Variants in CCDC148 observed in about 807,000 individuals in gnomAD.
CCDC148 encodes coiled-coil domain-containing protein 148.
Under a neutral mutation model 85.7 loss-of-function variants are expected in CCDC148, and 89 were observed. The ratio of observed to expected loss-of-function variants is 1.04; its 90% CI spans 0.87 to 1.24. The LOEUF (loss-of-function observed/expected upper bound fraction) is 1.24. CCDC148 is among the 50% of genes most tolerant of loss of function. CCDC148 has a pLI of 0.00. For synonymous variants in CCDC148, 230 were observed against 213.9 expected (o/e 1.08, Z -0.66); for missense variants, 692 against 671.7 (o/e 1.03, Z -0.33).
At chr2:158,182,262 G>C (rs1230052534) in intron 11 of CCDC148, among the ~76,000 whole-genome samples, 3 of 151,974 alleles carry the variant, frequency 2.0e-5, no homozygotes, top group Non-Finnish European at 2.9e-5. Flanking sequence ...AGAGTGTAGA[G>C]TAAGAAGAGA....
chr2:158,425,112 G>A (rs1000585753), intron 1 of CCDC148: 53 of 483,306 alleles, frequency 1.1e-4, no homozygotes, highest in East Asian at 2.4e-4. Context: ...CTATGATCGC[G>A]GATATGGGAA....
At chr2:158,286,649 T>C (rs1283269319) in intron 9 of CCDC148, among the ~76,000 whole-genome samples, 1 of 152,114 alleles carries the variant, frequency 6.6e-6, no homozygotes, top group African/African-American at 2.4e-5. Context: ...CCCATGGACA[T>C]AGACAAATAA....
At chr2:158,256,935 G>A (rs1689036813) in intron 9 of CCDC148, among the ~76,000 whole-genome samples, 1 of 151,778 alleles carries the variant, frequency 6.6e-6, no homozygotes, top group Admixed American at 6.6e-5. Flanking sequence ...GACCAGATCT[G>A]TCTTATTCAT....
chr2:158,174,326 G>A (rs1373480945), intron 13 of CCDC148, among the ~76,000 whole-genome samples: 1 of 152,006 alleles, frequency 6.6e-6, no homozygotes, highest in Non-Finnish European at 1.5e-5. Context: ...ATTACTTGTT[G>A]TCTAGCTTCG....
intron 11 of CCDC148, among the ~76,000 whole-genome samples, chr2:158,194,627 T>C (rs1685577872): frequency 6.6e-6 from 1 of 152,134 alleles, no homozygotes; most frequent in South Asian, 2.1e-4. Flanking sequence ...ATTTTTGCTC[T>C]CTAAAGTTTG....
rs117447345 is a variant in CCDC148 at position 158,260,945 on chromosome 2, G to A, written c.1111-10033C>T. ...TATTAAAATAGTCATACTGCCCAGA[G>A]CAATTTACAGATGCCATCTCATTCC... On this transcript the variant is annotated intron_variant, in intron 9 of 13. Transcript: ENST00000283233. Among the ~76,000 whole-genome samples, 292 of 152,048 alleles carry A rather than the reference G, an allele frequency of 1.9e-3. 10 individuals are homozygous for A. In the East Asian group the frequency reaches 0.044, roughly 23 times the overall value.
chr2:158,233,279 G>C (rs1687941714), intron 10 of CCDC148, among the ~76,000 whole-genome samples: 1 of 151,946 alleles, frequency 6.6e-6, no homozygotes, highest in Non-Finnish European at 1.5e-5. Flanking sequence ...TAATAGAAAA[G>C]CATTCTTTTT....
intron 11 of CCDC148, among the ~76,000 whole-genome samples, chr2:158,200,513 G>C (rs1685901692): frequency 6.6e-6 from 1 of 152,202 alleles, no homozygotes; most frequent in Non-Finnish European, 1.5e-5. Flanking sequence ...GAGCTGAGAA[G>C]CTGTGACAGA....
intron 1 of CCDC148, among the ~76,000 whole-genome samples, chr2:158,387,772 A>C (rs1685150699): frequency 6.6e-6 from 1 of 151,948 alleles, no homozygotes; most frequent in Admixed American, 6.6e-5. Flanking sequence ...TGCACTAGTC[A>C]CCCATTCATG....
chr2:158,208,934 CTT>C (rs765815599), intron 11 of CCDC148, among the ~76,000 whole-genome samples: 8 of 151,974 alleles, frequency 5.3e-5, no homozygotes, highest in Non-Finnish European at 1.2e-4. Context: ...CGCTGTAAAA[CTT>C]ATATTAGAAT....
At chr2:158,250,485 G>C (rs1223069050) in intron 10 of CCDC148, among the ~76,000 whole-genome samples, 1 of 148,840 alleles carries the variant, frequency 6.7e-6, no homozygotes, top group African/African-American at 2.5e-5. Context: ...TTTATTACAA[G>C]ATTTAACAAC....
intron 10 of CCDC148, among the ~76,000 whole-genome samples, chr2:158,236,783 T>C (rs568061570): frequency 2.0e-5 from 3 of 152,274 alleles, no homozygotes; most frequent in African/African-American, 7.2e-5. Flanking sequence ...TTTCATTCAT[T>C]TAATTCATTT....
intron 9 of CCDC148, among the ~76,000 whole-genome samples, chr2:158,267,862 T>C (rs1410901454): frequency 6.6e-6 from 1 of 152,196 alleles, no homozygotes; most frequent in Non-Finnish European, 1.5e-5. Flanking sequence ...GTCTTTGTGG[T>C]TGGCTTCTTC....
In CCDC148 at chr2:158,281,416, T is replaced by G. The variant is rs564723631; in HGVS notation, c.1110+28017A>C. On this transcript the variant is annotated intron_variant, in intron 9 of 13. Transcript: ENST00000283233. ...AAGTAGAAAAGAGAGAAGAATCAAATAGACGCAATAAAAAATGATAAAGGG... is the reference window on the plus strand; with the variant it reads ...AAGTAGAAAAGAGAGAAGAATCAAAGAGACGCAATAAAAAATGATAAAGGG... Among the ~76,000 whole-genome samples the G allele has an allele frequency of 5.2e-4, 79 of 152,098 alleles. 1 individual carries two copies. In the South Asian group the frequency reaches 0.016, roughly 31 times the overall value.
At chr2:158,180,009 C>T (rs1046337347) in intron 11 of CCDC148, among the ~76,000 whole-genome samples, 1 of 152,196 alleles carries the variant, frequency 6.6e-6, no homozygotes, top group African/African-American at 2.4e-5. Context: ...CATCTCCTTG[C>T]CCAAGCTATA....
chr2:158,279,724 T>C (rs1221720777), intron 9 of CCDC148, among the ~76,000 whole-genome samples: 1 of 152,152 alleles, frequency 6.6e-6, no homozygotes, highest in Non-Finnish European at 1.5e-5. Context: ...CCAGGAGAAC[T>C]TCCCCAATCT....
intron 1 of CCDC148, among the ~76,000 whole-genome samples, chr2:158,381,368 C>A (rs565432509): frequency 6.6e-6 from 1 of 152,122 alleles, no homozygotes; most frequent in African/African-American, 2.4e-5. Flanking sequence ...TATTACAATG[C>A]GCTCAACTTT....
intron 11 of CCDC148, among the ~76,000 whole-genome samples, chr2:158,205,913 G>T (rs1189794645): frequency 1.6e-4 from 25 of 152,088 alleles, no homozygotes; most frequent in Admixed American, 1.6e-3. Context: ...ACCTTTATAG[G>T]TTCTCGCATA....
intron 10 of CCDC148, among the ~76,000 whole-genome samples, chr2:158,236,426 T>C (rs1451530627): frequency 1.3e-5 from 2 of 152,194 alleles, no homozygotes; most frequent in Non-Finnish European, 2.9e-5. Flanking sequence ...TGCATAATGA[T>C]CATGTCATAT....
Sources: gnomAD v4.1 joint callset for allele counts (sites outside exome capture counted in the v4.1 genomes callset) on GRCh38, gnomAD v4.1.1 for gene constraint, MANE v1.5 for transcripts, NCBI Gene and HGNC (gene_info 2026-07-23, HGNC 2026-07-21) for gene names.